Variants in TMTC4 observed in about 807,000 individuals in gnomAD.
TMTC4 encodes the protein transmembrane O-mannosyltransferase targeting cadherins 4, also known as protein O-mannosyl-transferase TMTC4.
TMTC4 carries 65 observed loss-of-function variants against 86.0 expected under a neutral mutation model. The ratio of observed to expected loss-of-function variants is 0.76; its 90% CI spans 0.62 to 0.93. TMTC4 has a LOEUF of 0.93. Among genes scored for constraint, TMTC4 ranks in the 40% least tolerant of loss-of-function variants. The probability of loss-of-function intolerance (pLI) is 0.00; values close to 1 mark genes in which losing one functional copy is unlikely to be tolerated. For synonymous variants in TMTC4, 379 were observed against 382.5 expected (o/e 0.99, Z 0.11); for missense variants, 866 against 948.1 (o/e 0.91, Z 1.14).
chr13:100,623,697 G>A (rs1296893790), intron 15 of TMTC4, among the ~76,000 whole-genome samples: 1 of 138,182 alleles, frequency 7.2e-6, no homozygotes, highest in East Asian at 2.2e-4. Flanking sequence ...TGCAATGGCT[G>A]GTCTTTATTG....
At chr13:100,619,549 C>T (rs1259034593) in intron 15 of TMTC4, among the ~76,000 whole-genome samples, 1 of 152,086 alleles carries the variant, frequency 6.6e-6, no homozygotes. Context: ...CTTCAGACAA[C>T]AAAAACGTTC....
At chr13:100,646,543 C>T (rs980048301) in intron 6 of TMTC4, among the ~76,000 whole-genome samples, 1 of 152,112 alleles carries the variant, frequency 6.6e-6, no homozygotes, top group Non-Finnish European at 1.5e-5. Context: ...AACCACAGCC[C>T]GTTTCATTAA....
intron 17 of TMTC4, among the ~76,000 whole-genome samples, chr13:100,609,823 C>T (rs1044191434): frequency 6.6e-6 from 1 of 152,078 alleles, no homozygotes; most frequent in Non-Finnish European, 1.5e-5. Context: ...TATAGATGAA[C>T]AAACTGAGAC....
chr13:100,673,579 G>GCCA (rs554357011), intron 1 of TMTC4, among the ~76,000 whole-genome samples: 30 of 152,332 alleles, frequency 2.0e-4, no homozygotes, highest in Non-Finnish European at 3.4e-4. Flanking sequence ...AGGGGCGCGA[G>GCCA]CCACCACCAC....
intron 1 of TMTC4, chr13:100,674,107 C>T (rs776870482): frequency 3.0e-6 from 3 of 984,734 alleles, no homozygotes; most frequent in South Asian, 4.7e-5. Flanking sequence ...GCAGTGGCTG[C>T]GCCACCTGCT....
intron 6 of TMTC4, among the ~76,000 whole-genome samples, chr13:100,648,933 C>T (rs916301230): frequency 2.6e-5 from 4 of 152,140 alleles, no homozygotes; most frequent in African/African-American, 9.7e-5. Context: ...AAGTGATCCT[C>T]CCGCCTTGAC....
At chr13:100,647,843 C>A (rs916768584) in intron 6 of TMTC4, among the ~76,000 whole-genome samples, 2 of 152,138 alleles carry the variant, frequency 1.3e-5, no homozygotes, top group Non-Finnish European at 2.9e-5. Context: ...CAAGGTTAAA[C>A]CAGAGACTTA....
intron 12 of TMTC4, among the ~76,000 whole-genome samples, chr13:100,634,195 T>A (rs1881860817): frequency 6.6e-6 from 1 of 151,420 alleles, no homozygotes; most frequent in African/African-American, 2.4e-5. Context: ...ATATGCAATA[T>A]GCGGTTTGCT....
At chr13:100,618,696 C>T (rs565153937) in intron 15 of TMTC4, among the ~76,000 whole-genome samples, 38 of 152,044 alleles carry the variant, frequency 2.5e-4, no homozygotes, top group Non-Finnish European at 5.0e-4. Context: ...TGATTCTTAA[C>T]GAGCATGCTG....
chr13:100,631,911 T>A (rs779832397), intron 12 of TMTC4, among the ~76,000 whole-genome samples: 1 of 152,090 alleles, frequency 6.6e-6, no homozygotes, highest in Non-Finnish European at 1.5e-5. Flanking sequence ...CAATCTTGCT[T>A]ATATTGAATA....
chr13:100,672,642 C>T (rs1226009605), intron 1 of TMTC4, among the ~76,000 whole-genome samples: 1 of 152,168 alleles, frequency 6.6e-6, no homozygotes, highest in Non-Finnish European at 1.5e-5. Flanking sequence ...AGGCATATGC[C>T]ACCATGCCTG....
At chr13:100,626,811 T>C (rs879606395) in intron 12 of TMTC4, among the ~76,000 whole-genome samples, 4 of 152,196 alleles carry the variant, frequency 2.6e-5, no homozygotes, top group Non-Finnish European at 5.9e-5. Flanking sequence ...CATTTTACTC[T>C]GTATCTGTAA....
intron 6 of TMTC4, among the ~76,000 whole-genome samples, chr13:100,653,682 A>G (rs1884725123): frequency 6.6e-6 from 1 of 152,206 alleles, no homozygotes; most frequent in Non-Finnish European, 1.5e-5. Flanking sequence ...GGAAGCGATG[A>G]GTGGGAATGG....
At position 100,670,453 on chromosome 13, in the gene TMTC4, G is replaced by A; in HGVS notation, c.-91C>T. On this transcript the variant is annotated 5_prime_UTR_variant, in exon 2 of 19. Coordinates refer to ENST00000342624, the MANE Select transcript of TMTC4 (RefSeq NM_032813.5). ...ACAGGCCGCAACTCTTCCACTGCTT[G>A]TCTCTCGAGCCTCACAGCCTGGCAT... is the stretch of plus-strand genomic sequence containing the variant. The A allele has an allele frequency of 1.4e-6, 2 of 1,422,018 alleles. No individual in the cohort carries two copies. Among genetic ancestry groups the A allele is most frequent in the Non-Finnish European group, 1.9e-6 (2 of 1,041,588 alleles). The allele number at this position is 1,422,018 out of a possible 1,614,324, so 88.1% of individuals were successfully genotyped here.
intron 5 of TMTC4, among the ~76,000 whole-genome samples, chr13:100,662,492 C>A (rs574702672): frequency 1.6e-4 from 25 of 152,016 alleles, no homozygotes; most frequent in Non-Finnish European, 2.8e-4. Flanking sequence ...GTTTTCATAA[C>A]AAGCATGTTA....
At chr13:100,627,726 C>T (rs1348227460) in intron 12 of TMTC4, among the ~76,000 whole-genome samples, 3 of 152,132 alleles carry the variant, frequency 2.0e-5, no homozygotes, top group Non-Finnish European at 2.9e-5. Context: ...CCAGGGGTTA[C>T]GATTTGAGCG....
chr13:100,624,197 G>A (rs1444543111), intron 15 of TMTC4, among the ~76,000 whole-genome samples: 2 of 151,776 alleles, frequency 1.3e-5, no homozygotes, highest in African/African-American at 2.4e-5. Flanking sequence ...ATGGTGGCGG[G>A]CGCCTATAGT....
chr13:100,663,367 G>A (rs1283209), intron 4 of TMTC4, among the ~76,000 whole-genome samples, 187 bp from the exon 5 acceptor site: 108,061 of 152,116 alleles, frequency 0.71, 39,370 homozygotes, highest in East Asian at 0.96. Flanking sequence ...GGAAAAGGTG[G>A]GAATGTAATT....
chr13:100,604,860 GTCTT>G lies in TMTC4; in HGVS notation c.*130_*133del, dbSNP rs1876329644. The G allele has an allele frequency of 2.0e-6, 2 of 1,005,084 alleles. No individual in the cohort carries two copies. Among genetic ancestry groups the G allele is most frequent in the Non-Finnish European group, 2.7e-6 (2 of 730,716 alleles). The allele number at this position is 1,005,084 out of a possible 1,614,324, so 62.3% of individuals were successfully genotyped here. A position where few individuals can be genotyped will look rare whatever the true frequency, so the allele number is the denominator to read the frequency against. On this transcript the variant is annotated 3_prime_UTR_variant, in exon 19 of 19. Coordinates refer to ENST00000342624, the MANE Select transcript of TMTC4 (RefSeq NM_032813.5). ...TGCTGGTGCTATAATCTTTTTGCAT[GTCTT>G]TGTTTTCATAGAAAAAAATCAGTAA...
Sources: allele counts gnomAD v4.1 joint callset (sites outside exome capture counted in the v4.1 genomes callset), GRCh38; gene constraint gnomAD v4.1.1; transcripts MANE v1.5; gene names NCBI Gene and HGNC (gene_info 2026-07-23, HGNC 2026-07-21).